The following TXNRD1 variants were observed in gnomAD, a reference collection of about 807,000 sequenced individuals.
TXNRD1 encodes the protein thioredoxin reductase 1, cytoplasmic.
TXNRD1 carries 57 observed loss-of-function variants against 80.3 expected under a neutral mutation model. The ratio of observed to expected loss-of-function variants is 0.71; its 90% confidence interval spans 0.57 to 0.89. TXNRD1 has a LOEUF of 0.89. TXNRD1 is among the 40% of genes least tolerant of loss of function. The probability of loss-of-function intolerance (pLI) is 0.00; values close to 1 mark genes in which losing one functional copy is unlikely to be tolerated. For synonymous variants in TXNRD1, 291 were observed against 285.2 expected (o/e 1.02, Z -0.20); for missense variants, 730 against 803.0 (o/e 0.91, Z 1.10).
chr12:104,304,324 TTGGA>T, intron 4 of TXNRD1: 1 of 1,614,068 alleles, frequency 6.2e-7, no homozygotes, highest in Non-Finnish European at 8.5e-7. Context: ...TGGGTCTGAA[TTGGA>T]TGGAAGGCGA....
At chr12:104,259,948 G>A (rs973332445) in intron 3 of TXNRD1, among the ~76,000 whole-genome samples, 8 of 152,174 alleles carry the variant, frequency 5.3e-5, no homozygotes, top group Non-Finnish European at 1.2e-4. Flanking sequence ...GCTGGGTTAA[G>A]TATAGTCACC....
chr12:104,246,057 G>A (rs1337965284), intron 1 of TXNRD1, among the ~76,000 whole-genome samples: 2 of 147,040 alleles, frequency 1.4e-5, no homozygotes, highest in Non-Finnish European at 3.0e-5. Context: ...AGCTTGCAGT[G>A]AGCTGAGATC....
At chr12:104,322,445 A>G (rs970863542) in intron 10 of TXNRD1, among the ~76,000 whole-genome samples, 1 of 132,848 alleles carries the variant, frequency 7.5e-6, no homozygotes, top group Non-Finnish European at 1.5e-5. Context: ...CAGTAGCCCA[A>G]TCTCAGCTGA....
intron 15 of TXNRD1, among the ~76,000 whole-genome samples, chr12:104,335,184 G>A (rs1292270514): frequency 6.8e-6 from 1 of 146,448 alleles, no homozygotes; most frequent in South Asian, 2.2e-4. Context: ...AGTACAATAT[G>A]CAATATATTA....
intron 1 of TXNRD1, among the ~76,000 whole-genome samples, chr12:104,249,854 G>C (rs2033077586): frequency 6.9e-6 from 1 of 144,278 alleles, no homozygotes; most frequent in Non-Finnish European, 1.5e-5. Flanking sequence ...AGAATGGCGT[G>C]AACCCGGGAG....
intron 3 of TXNRD1, chr12:104,286,811 T>C: frequency 9.7e-7 from 1 of 1,027,104 alleles, no homozygotes; most frequent in African/African-American, 1.7e-5. Context: ...GTTTTTGCTC[T>C]GTTCTTAGGT....
At chr12:104,252,660 T>TATATATATATA (rs1182730147) in intron 2 of TXNRD1, among the ~76,000 whole-genome samples, 5 of 53,210 alleles carry the variant, frequency 9.4e-5, no homozygotes, top group African/African-American at 4.2e-4. Context: ...ATTTATTATT[T>TATATATATATA]TTTATATATA....
intron 1 of TXNRD1, among the ~76,000 whole-genome samples, chr12:104,217,609 TG>T (rs2032246620): frequency 6.6e-6 from 1 of 152,140 alleles, no homozygotes; most frequent in African/African-American, 2.4e-5. Context: ...TGCACCCAGC[TG>T]ACCCTAACCG....
intron 5 of TXNRD1, 140 bp downstream of exon 5, chr12:104,311,552 C>A: frequency 9.1e-7 from 1 of 1,100,252 alleles, no homozygotes; most frequent in Non-Finnish European, 1.2e-6. Context: ...TTGGGCAGGA[C>A]ATGGACATCG....
At chr12:104,290,862 C>T (rs1593761972) in intron 4 of TXNRD1, 2 of 501,454 alleles carry the variant, frequency 4.0e-6, no homozygotes, top group Middle Eastern at 5.1e-4. Flanking sequence ...TCTACTGATA[C>T]TCCTGGTTTT....
chr12:104,305,795 C>G (rs989300513), intron 4 of TXNRD1, among the ~76,000 whole-genome samples: 1 of 152,168 alleles, frequency 6.6e-6, no homozygotes, highest in Non-Finnish European at 1.5e-5. Context: ...TTCTCTGGCC[C>G]CTAGTGTCCC....
At chr12:104,340,319 A>G (rs1166937842) in intron 16 of TXNRD1, among the ~76,000 whole-genome samples, 6 of 152,226 alleles carry the variant, frequency 3.9e-5, no homozygotes, top group East Asian at 1.9e-4. Context: ...TAGATCTTTT[A>G]TTCAGTGTAA....
chr12:104,288,621 G>A (rs866979137), intron 3 of TXNRD1: 29 of 564,816 alleles, frequency 5.1e-5, no homozygotes, highest in Middle Eastern at 1.3e-3. Flanking sequence ...GATTTACCGG[G>A]AAAGTAGGAC....
At chr12:104,267,668 T>G (rs2033541937) in intron 3 of TXNRD1, among the ~76,000 whole-genome samples, 1 of 47,350 alleles carries the variant, frequency 2.1e-5, no homozygotes, top group Non-Finnish European at 4.5e-5. Flanking sequence ...TTTCTTTCTT[T>G]CTTTCTTTCT....
chr12:104,286,476 A>G (rs959156168), intron 3 of TXNRD1, among the ~76,000 whole-genome samples: 12 of 152,208 alleles, frequency 7.9e-5, no homozygotes, highest in African/African-American at 2.4e-4. Flanking sequence ...TGAACTAGAC[A>G]TTTCTTTTCA....
At chr12:104,332,118 C>T (rs1256849339) in intron 14 of TXNRD1, among the ~76,000 whole-genome samples, 1 of 152,082 alleles carries the variant, frequency 6.6e-6, no homozygotes, top group Non-Finnish European at 1.5e-5. Flanking sequence ...TTTCACTGCT[C>T]CTACCATTAG....
intron 16 of TXNRD1, chr12:104,345,969 A>G: frequency 7.8e-7 from 1 of 1,288,902 alleles, no homozygotes; most frequent in Non-Finnish European, 1.0e-6. Context: ...TTTTTATAAA[A>G]ATTCTAAAAC....
chr12:104,305,017 G>T (rs189094565), intron 4 of TXNRD1: 1 of 1,359,412 alleles, frequency 7.4e-7, no homozygotes, highest in Non-Finnish European at 9.9e-7. Context: ...AGCACATATT[G>T]TATCTCTTGT....
rs544604060 is a variant in TXNRD1, at chr12:104,245,773, A to G, written c.92-5754A>G. ...GCCCTGTGGACTCACTTCAGTGTAC[A>G]TTTATCAGCACTGGGAGTTTTCATT... On this transcript the variant is annotated intron_variant, in intron 1 of 16. Coordinates refer to ENST00000525566, the MANE Select transcript of TXNRD1 (RefSeq NM_001093771.3). Among the ~76,000 whole-genome samples the G allele has an allele frequency of 3.7e-3, 560 of 151,904 alleles. 4 individuals are homozygous for G. The highest frequency in any genetic ancestry group is 5.8e-3 in the Admixed American group (89 of 15,230).
Sources: allele counts gnomAD v4.1 joint callset (sites outside exome capture counted in the v4.1 genomes callset), GRCh38; gene constraint gnomAD v4.1.1; transcripts MANE v1.5; gene names NCBI Gene and HGNC (gene_info 2026-07-23, HGNC 2026-07-21).